Variants in SPG7 observed in about 807,000 individuals in gnomAD.
SPG7 encodes the protein mitochondrial inner membrane m-AAA protease component paraplegin.
SPG7 carries 103 observed loss-of-function variants against 81.9 expected under a neutral mutation model. The observed-to-expected ratio is 1.26, with a 90% confidence interval of 1.07 to 1.48. The LOEUF is 1.48. Ranked by LOEUF, SPG7 falls within the 40% of genes most tolerant of loss-of-function variation. The probability of loss-of-function intolerance (pLI) is 0.00; values close to 1 mark genes in which losing one functional copy is unlikely to be tolerated. For synonymous variants in SPG7, 534 were observed against 444.2 expected (o/e 1.20, Z -2.54); for missense variants, 1,241 against 1,087.3 (o/e 1.14, Z -1.99).
intron 16 of SPG7, chr16:89,555,079 C>CTTTTTTTTTTTTTTTTTTTTTTT (rs1167539478): frequency 6.6e-6 from 1 of 151,936 alleles, no homozygotes; most frequent in African/African-American, 2.6e-5. Flanking sequence ...ACACACTCGG[C>CTTTTTTTTTTTTTTTTTTTTTTT]TTTTCTTTTT....
At chr16:89,514,125 T>C (rs1038143224) in intron 3 of SPG7, among the ~76,000 whole-genome samples, 1 of 152,128 alleles carries the variant, frequency 6.6e-6, no homozygotes, top group Non-Finnish European at 1.5e-5. Flanking sequence ...GGATTCAGTT[T>C]AGGCGTTTCT....
At chr16:89,550,273 A>C (rs925930044) in intron 12 of SPG7, 6 of 509,024 alleles carry the variant, frequency 1.2e-5, no homozygotes, top group African/African-American at 1.9e-5. Context: ...CTCAGGTTCA[A>C]GTGATTCTCT....
At chr16:89,529,105 C>T (rs1279348028) in intron 5 of SPG7, 2 of 344,068 alleles carry the variant, frequency 5.8e-6, no homozygotes, top group African/African-American at 2.1e-5. Flanking sequence ...AGCCACCGCG[C>T]CCGGCCTGAG....
intron 9 of SPG7, 50 bp from the exon 10 acceptor site, chr16:89,544,598 T>C: frequency 6.2e-7 from 1 of 1,610,858 alleles, no homozygotes; most frequent in Non-Finnish European, 8.5e-7. Flanking sequence ...GGGAAATCTG[T>C]TGTGTCAGGA....
intron 3 of SPG7, among the ~76,000 whole-genome samples, chr16:89,514,935 CTT>C (rs56327708): frequency 0.38 from 46,198 of 121,408 alleles, 7,225 homozygotes; most frequent in East Asian, 0.59. Context: ...TGGCCTTGAC[CTT>C]TTTTTTTTTT....
chr16:89,547,656 A>C (rs1186167702), intron 11 of SPG7: 1 of 351,018 alleles, frequency 2.8e-6, no homozygotes, highest in Non-Finnish European at 5.5e-6. Flanking sequence ...TCTGTCGCCC[A>C]GACTGGAGTG....
In SPG7 at chr16:89,532,086, G is replaced by T. The variant is rs2152403548; in HGVS notation, c.1150+20G>T. 1.9e-6 allele frequency: 3 copies of T among 1,609,882 alleles called. No individual in the cohort carries two copies. Among genetic ancestry groups the T allele is most frequent in the Middle Eastern group, 2.1e-4 (1 of 4,672 alleles). On this transcript the variant is annotated intron_variant, in intron 8 of 16. Coordinates refer to ENST00000645818, the MANE Select transcript of SPG7 (RefSeq NM_003119.4). ...TTGGAGGTAGGTGCTGTGGTTGGGGGCTGTGGGTGGGCTTGGCTGACTACC... is the reference window on the plus strand; with the variant it reads ...TTGGAGGTAGGTGCTGTGGTTGGGGTCTGTGGGTGGGCTTGGCTGACTACC...
Position 89,557,362 on chromosome 16 carries a change from T to A in SPG7, c.*269T>A. ...CGAGTGAGCATGGAACACTTCGAGT[T>A]CCCAGGGTTATAGACAGTCGTTCCC... On this transcript the variant is annotated 3_prime_UTR_variant, in exon 17 of 17. Transcript: ENST00000645818. 1 of 503,002 alleles carries A rather than the reference T, an allele frequency of 2.0e-6. No individual in the cohort carries two copies. The highest frequency in any genetic ancestry group is 5.6e-4 in the Middle Eastern group (1 of 1,792). 31.2% of individuals were successfully genotyped at this position (503,002 alleles called of 1,614,324 possible). A position where few individuals can be genotyped will look rare whatever the true frequency, so the allele number is the denominator to read the frequency against.
At position 89,532,514 on chromosome 16, in the gene SPG7, C is replaced by A; in HGVS notation, c.1202C>A (p.Ala401Asp). ...RSLFKEARAR[A>D]PCIVYIDEID... Reference sequence around the variant, plus strand: ...CTCTTTAAGGAAGCCCGAGCCCGGGCCCCCTGCATCGTCTACATCGATGAG... The same window carrying A: ...CTCTTTAAGGAAGCCCGAGCCCGGGACCCCTGCATCGTCTACATCGATGAG... The change falls in exon 9 of 17, where the codon GCC becomes GAC. Residue 401 changes from alanine (A) to aspartate (D), a missense_variant. Coordinates refer to ENST00000645818, the MANE Select transcript of SPG7 (RefSeq NM_003119.4). 1 of 1,613,690 alleles carries A rather than the reference C, an allele frequency of 6.2e-7. No individual in the cohort carries two copies.
At chr16:89,525,030 G>T (rs1206235177) in intron 4 of SPG7, among the ~76,000 whole-genome samples, 1 of 149,840 alleles carries the variant, frequency 6.7e-6, no homozygotes, top group East Asian at 2.0e-4. Context: ...TGTGATGTCG[G>T]CTCACTGCAG....
rs1597624090 is a variant in SPG7, at chr16:89,526,309, C to T, written c.619-20C>T. 11 of 1,613,724 alleles carry T rather than the reference C, an allele frequency of 6.8e-6. No individual in the cohort carries two copies. The East Asian group carries it at 2.2e-4, about 33-fold the overall frequency. On this transcript the variant is annotated intron_variant, in intron 4 of 16. Coordinates refer to ENST00000645818, the MANE Select transcript of SPG7 (RefSeq NM_003119.4). ...CTGTCCCTGCGTTTCTCATGGTCCC[C>T]TCTCCTTTCTGCCCCCCAGCGGCTA...
Position 89,524,197 on chromosome 16 carries a change from G to A in SPG7, c.568G>A (p.Asp190Asn), listed in dbSNP as rs765532928. The A allele has an allele frequency of 4.8e-5, 78 of 1,613,722 alleles. No individual in the cohort carries two copies. The highest frequency in any genetic ancestry group is 5.7e-5 in the Non-Finnish European group (67 of 1,180,014). The change falls in exon 4 of 17, where the codon GAC becomes AAC. Residue 190 changes from aspartate to asparagine, a missense_variant. By Grantham distance (23) the Asp-to-Asn change is conservative (BLOSUM62 1). Transcript: ENST00000645818. ...GCGCGTCCAGGTGGTGCCTGAGAGC[G>A]ACGTGGTGGAAGTCTACCTGCACCC... ...VQRVQVVPESDVVEVYLHPGA... is the reference protein window; with the variant it reads ...VQRVQVVPESNVVEVYLHPGA...
At chr16:89,541,269 T>G (rs2058493430) in intron 9 of SPG7, 1 of 985,310 alleles carries the variant, frequency 1.0e-6, no homozygotes, top group Non-Finnish European at 1.2e-6. Context: ...GAGCTGAAAC[T>G]GGTGTATCCT....
At chr16:89,528,492 G>C (rs1377420539) in intron 5 of SPG7, 1 of 151,992 alleles carries the variant, frequency 6.6e-6, no homozygotes, top group African/African-American at 2.4e-5. Flanking sequence ...TGGAGGGTTG[G>C]GGCAGGCCCA....
chr16:89,549,100 T>G (rs1413947404), intron 12 of SPG7: 2 of 456,536 alleles, frequency 4.4e-6, no homozygotes, highest in Admixed American at 2.3e-5. Flanking sequence ...TCGAGAGGAC[T>G]GGCGCTGCCT....
chr16:89,555,700 G>C, intron 16 of SPG7: 1 of 396,878 alleles, frequency 2.5e-6, no homozygotes, highest in Non-Finnish European at 4.4e-6. Context: ...CCTCAGTTGC[G>C]ATTGTCTGAT....
intron 11 of SPG7, 158 bp downstream of exon 11, chr16:89,546,918 G>A (rs752753678): frequency 4.5e-6 from 3 of 663,496 alleles, no homozygotes; most frequent in Non-Finnish European, 8.3e-6. Context: ...ATGTGTATGT[G>A]GGGCAGCAGG....
Position 89,536,510 on chromosome 16 carries a change from C to A in SPG7, c.1324+3874C>A, listed in dbSNP as rs555463665. Among the ~76,000 whole-genome samples the A allele has an allele frequency of 5.2e-3, 190 of 36,202 alleles. 27 individuals carry two copies. The highest frequency in any genetic ancestry group is 9.2e-3 in the Non-Finnish European group (163 of 17,692). 23.7% of individuals were successfully genotyped at this position (36,202 alleles called of 152,430 possible). ...GTCAGGTGAGGCAGGTGAGGTGAGG[C>A]GGGTGAGGTCAGGTGAGGCGGGTGA... On this transcript the variant is annotated intron_variant, in intron 9 of 16. Transcript: ENST00000645818.
intron 3 of SPG7, chr16:89,523,740 A>C: frequency 1.7e-6 from 1 of 589,650 alleles, no homozygotes. Context: ...AAGTGTTTCG[A>C]TTTAGAAATG....
Sources: allele counts gnomAD v4.1 joint callset (sites outside exome capture counted in the v4.1 genomes callset), GRCh38; gene constraint gnomAD v4.1.1; transcripts MANE v1.5; gene names NCBI Gene and HGNC (gene_info 2026-07-23, HGNC 2026-07-21).